Variants in ACAD9 observed in about 807,000 individuals in gnomAD.
ACAD9 encodes the protein complex I assembly factor ACAD9, mitochondrial.
Under a neutral mutation model 70.2 loss-of-function variants are expected in ACAD9, and 53 were observed. The ratio of observed to expected loss-of-function variants is 0.75; its 90% CI spans 0.61 to 0.95. The LOEUF (loss-of-function observed/expected upper bound fraction) is 0.95. Ranked by LOEUF, ACAD9 falls within the 40% of genes least tolerant of loss-of-function variation. The pLI, the probability that ACAD9 is intolerant of heterozygous loss-of-function variation, is 0.00. For missense variants in ACAD9, 777 were observed against 802.8 expected (o/e 0.97, Z 0.39); for synonymous variants, 313 against 312.1 (o/e 1.00, Z -0.03).
intron 4 of ACAD9, 98 bp from the exon 5 acceptor site, chr3:128,896,338 C>T (rs966593331): frequency 1.9e-5 from 25 of 1,291,828 alleles, no homozygotes; most frequent in South Asian, 2.5e-5. Flanking sequence ...TTCTCTTGCC[C>T]GAAGTAAATA....
intron 12 of ACAD9, among the ~76,000 whole-genome samples, chr3:128,907,570 G>A (rs1418923079): frequency 6.6e-6 from 1 of 152,134 alleles, no homozygotes; most frequent in Non-Finnish European, 1.5e-5. Flanking sequence ...TGTCCGTGAT[G>A]TCAGCCTGAC....
chr3:128,910,373 C>T (rs1318697048), intron 16 of ACAD9: 2 of 1,456,732 alleles, frequency 1.4e-6, no homozygotes, highest in Non-Finnish European at 1.8e-6. Context: ...TTCCTGATCC[C>T]AGTGCCCCTA....
chr3:128,883,464 TCTC>T (rs1935153154), intron 1 of ACAD9, among the ~76,000 whole-genome samples: 1 of 149,684 alleles, frequency 6.7e-6, no homozygotes, highest in Admixed American at 6.6e-5. Context: ...TTCAAGCAAT[TCTC>T]CTGCCTCAGC....
chr3:128,879,745 G>A lies in ACAD9; in HGVS notation c.54G>A (p.Arg18=), dbSNP rs1375707877. The change falls in exon 1 of 18, where the codon CGG becomes CGA. Residue 18 remains arginine (R), a synonymous_variant. Coordinates refer to ENST00000308982, the MANE Select transcript of ACAD9 (RefSeq NM_014049.5). ...CCACGGCTGCGGCTCGTGCCTGCCG[G>A]GGTCTGGTGGTCTCTACCGCGAACC... The part of the protein sequence containing the change: ...LRTTAAARAC[R]GLVVSTANRR... 1.2e-6 allele frequency: 2 copies of A among 1,613,268 alleles called. No homozygotes were observed. The highest frequency in any genetic ancestry group is 1.7e-6 in the Non-Finnish European group (2 of 1,179,978).
rs762081272 is a variant in ACAD9, at chr3:128,909,029, G to A, written c.1415G>A (p.Arg472Gln). ...ATGGATACCGTTGGCCGGAGGCTTC[G>A]GGACTCCCTGGGCCGAACTGTGGAC... ...TVMDTVGRRL[R>Q]DSLGRTVDLG... The change falls in exon 14 of 18, where the codon CGG (arginine) becomes CAG (glutamine). Residue 472 changes from arginine (R) to glutamine (Q), a missense_variant. By Grantham distance (43) the Arg-to-Gln change is conservative (BLOSUM62 1). Transcript: ENST00000308982. 1.1e-5 allele frequency: 18 copies of A among 1,614,142 alleles called. No individual in the cohort carries two copies. Among genetic ancestry groups the A allele is most frequent in the South Asian group, 2.2e-5 (2 of 91,088 alleles).
chr3:128,912,734 T>G lies in ACAD9; in HGVS notation c.*127T>G. The stretch of plus-strand genomic sequence containing the variant: ...AAGCCTTTTGTTCCCCGTCTGCACC[T>G]GAAGGGTTGTCGCCTGGCCTGGGAG... On this transcript the variant is annotated 3_prime_UTR_variant, in exon 18 of 18. Transcript: ENST00000308982. 1.1e-6 allele frequency: 1 copy of G among 919,000 alleles called. No individual in the cohort carries two copies. Among genetic ancestry groups the G allele is most frequent in the Non-Finnish European group, 1.8e-6 (1 of 558,900 alleles). The allele number at this position is 919,000 out of a possible 1,614,324, so 56.9% of individuals were successfully genotyped here. A position where few individuals can be genotyped will look rare whatever the true frequency, so the allele number is the denominator to read the frequency against.
chr3:128,906,288 C>G (rs749828741), intron 12 of ACAD9, 39 bp downstream of exon 12: 3 of 1,612,340 alleles, frequency 1.9e-6, no homozygotes, highest in Non-Finnish European at 1.7e-6. Flanking sequence ...TGCTCCACCC[C>G]CACCCTGCCT....
At chr3:128,888,561 AGAGT>A (rs1282516227) in intron 2 of ACAD9, among the ~76,000 whole-genome samples, 1 of 152,144 alleles carries the variant, frequency 6.6e-6, no homozygotes, top group Non-Finnish European at 1.5e-5. Flanking sequence ...CCTGGGTGAC[AGAGT>A]GAGACTCCAT....
chr3:128,912,080 G>A (rs1291213713), intron 17 of ACAD9, among the ~76,000 whole-genome samples: 2 of 152,250 alleles, frequency 1.3e-5, no homozygotes, highest in South Asian at 2.1e-4. Flanking sequence ...AGTGATGGGT[G>A]TAGGCGCCAG....
intron 17 of ACAD9, among the ~76,000 whole-genome samples, chr3:128,911,045 G>GTA (rs1553734442): frequency 6.6e-6 from 1 of 152,164 alleles, no homozygotes; most frequent in African/African-American, 2.4e-5. Context: ...ATGTGTGTGT[G>GTA]TGTATGTATG....
At position 128,879,761 on chromosome 3, in the gene ACAD9, A is replaced by T. The variant is rs1303369813; in HGVS notation, c.70A>T (p.Thr24Ser). Reference protein sequence around the residue: ...ARACRGLVVSTANRRLLRTSP... With the variant: ...ARACRGLVVSSANRRLLRTSP... ...TGCCTGCCGGGGTCTGGTGGTCTCT[A>T]CCGCGAACCGGCGGCTACTGCGCAC... Residue 24 changes from threonine (T) to serine (S), a missense_variant, in exon 1 of 18, where the codon ACC (threonine) becomes TCC (serine). By Grantham distance (58) the Thr-to-Ser change is moderately conservative. Coordinates refer to ENST00000308982, the MANE Select transcript of ACAD9 (RefSeq NM_014049.5). The T allele has an allele frequency of 5.6e-6, 9 of 1,613,324 alleles. No individual in the cohort carries two copies. Among genetic ancestry groups the T allele is most frequent in the Non-Finnish European group, 7.6e-6 (9 of 1,180,004 alleles).
At chr3:128,910,854 T>C in intron 17 of ACAD9, 41 bp downstream of exon 17, 1 of 1,600,194 alleles carries the variant, frequency 6.2e-7, no homozygotes, top group South Asian at 1.1e-5. Context: ...AGGGCCCACT[T>C]CTAGGCCCCT....
rs1185535467 is a variant in ACAD9 at position 128,893,645 on chromosome 3, C to T, written c.335C>T (p.Pro112Leu). 2.5e-6 allele frequency: 4 copies of T among 1,613,892 alleles called. No homozygotes were observed. The highest frequency in any genetic ancestry group is 8.5e-7 in the Non-Finnish European group (1 of 1,179,814). The change falls in exon 3 of 18, where the codon CCA becomes CTA. Residue 112 changes from proline (P) to leucine (L), a missense_variant. Transcript: ENST00000308982. The part of the protein sequence containing the change: ...KSLGLFGLQV[P>L]EEYGGLGFSN... ...CTAGGGCTTTTTGGGCTGCAAGTCC[C>T]AGAAGAATATGGTAAGTCAAGCAAA...
rs138817276 is a variant in ACAD9 at position 128,894,872 on chromosome 3, A to ATTT, written c.347-418_347-416dup. ...TTACTTTGTACCTTTCTGTATTGTG[A>ATTT]TTTTTTTTTTTTTTTTTTTTTTGAG... On this transcript the variant is annotated intron_variant, in intron 3 of 17. Transcript: ENST00000308982. 3.0e-3 allele frequency among the ~76,000 whole-genome samples: 316 copies of ATTT among 105,368 alleles called. 4 individuals are homozygous for ATTT. Among genetic ancestry groups the ATTT allele is most frequent in the African/African-American group, 8.7e-3 (222 of 25,534 alleles). The allele number at this position is 105,368 out of a possible 152,430, so 69.1% of individuals were successfully genotyped here. A position where few individuals can be genotyped will look rare whatever the true frequency, so the allele number is the denominator to read the frequency against.
At chr3:128,909,872 C>A (rs772741021) in intron 15 of ACAD9, 149 bp from the exon 16 acceptor site, 2 of 1,133,718 alleles carry the variant, frequency 1.8e-6, no homozygotes, top group Non-Finnish European at 2.6e-6. Flanking sequence ...GGGAGCCGTT[C>A]TCCCACAACC....
Position 128,912,580 on chromosome 3 carries a change from T to C in ACAD9, c.1839T>C (p.Cys613=). Residue 613 remains cysteine (C), a synonymous_variant, in exon 18 of 18, where the codon TGT becomes TGC. Coordinates refer to ENST00000308982, the MANE Select transcript of ACAD9 (RefSeq NM_014049.5). ...TCCTTGAGAAGCGAGCCTATATCTGTGCCCACCCTCTGGACAGGACATGCT... is the reference window on the plus strand; with the variant it reads ...TCCTTGAGAAGCGAGCCTATATCTGCGCCCACCCTCTGGACAGGACATGCT... ...QQILEKRAYI[C]AHPLDRTC 6.2e-7 allele frequency: 1 copy of C among 1,614,192 alleles called. No homozygotes were observed. Among genetic ancestry groups the C allele is most frequent in the Non-Finnish European group, 8.5e-7 (1 of 1,180,028 alleles).
chr3:128,891,798 G>A (rs962632933), intron 2 of ACAD9, among the ~76,000 whole-genome samples: 4 of 151,936 alleles, frequency 2.6e-5, no homozygotes, highest in African/African-American at 7.3e-5. Context: ...TTCATCTCTG[G>A]CTGCTTTTCA....
Position 128,885,431 on chromosome 3 carries a change from G to T in ACAD9, c.244+685G>T, listed in dbSNP as rs1467575329. Among the ~76,000 whole-genome samples, 9 of 152,188 alleles carry T rather than the reference G, an allele frequency of 5.9e-5. 2 individuals carry two copies. The highest frequency in any genetic ancestry group is 5.9e-4 in the Admixed American group (9 of 15,292). Reference sequence around the variant, plus strand: ...TTTTGAGAAAGGGCCTAGCTCTGTTGCTCAGACTGGAGTGTGGTGGTACCA... The same window carrying T: ...TTTTGAGAAAGGGCCTAGCTCTGTTTCTCAGACTGGAGTGTGGTGGTACCA... On this transcript the variant is annotated intron_variant, in intron 2 of 17. Transcript: ENST00000308982.
intron 16 of ACAD9, 25 bp downstream of exon 16, chr3:128,910,174 G>T (rs779591925): frequency 5.6e-6 from 9 of 1,613,664 alleles, no homozygotes; most frequent in Non-Finnish European, 7.6e-6. Context: ...GCCTCACACA[G>T]GGCCTGGCTG....
Sources: gnomAD v4.1 joint callset for allele counts (sites outside exome capture counted in the v4.1 genomes callset) on GRCh38, gnomAD v4.1.1 for gene constraint, MANE v1.5 for transcripts, NCBI Gene and HGNC (gene_info 2026-07-23, HGNC 2026-07-21) for gene names.